Variants in SKIC3 observed in about 807,000 individuals in gnomAD.
SKIC3 encodes superkiller complex protein 3.
At chr5:95,506,884 C>T in the SKIC3 span, 3 of 1,585,102 alleles carry the variant, frequency 1.9e-6, no homozygotes, top group Non-Finnish European at 2.6e-6. Context: ...TAGCTTTCAC[C>T]AGAAAAATAC....
chr5:95,496,923 T>C, the SKIC3 span, among the ~76,000 whole-genome samples: 89 of 152,330 alleles, frequency 5.8e-4, no homozygotes, highest in African/African-American at 2.1e-3. Context: ...TGAAAATATC[T>C]GGATGCTACA....
chr5:95,493,264 C>T, the SKIC3 span, among the ~76,000 whole-genome samples: 6 of 152,140 alleles, frequency 3.9e-5, no homozygotes, highest in Admixed American at 3.9e-4. Flanking sequence ...CTCATCTTTG[C>T]CACTCAGTCA....
the SKIC3 span, chr5:95,478,430 C>A: frequency 6.2e-7 from 1 of 1,613,816 alleles, no homozygotes; most frequent in Non-Finnish European, 8.5e-7. Context: ...GATTGATACA[C>A]ATGTGCCAGC....
the SKIC3 span, among the ~76,000 whole-genome samples, chr5:95,535,307 ATTTTTTTTTTTTTT>A: frequency 4.4e-5 from 4 of 91,800 alleles, no homozygotes; most frequent in South Asian, 1.1e-3. Flanking sequence ...GGTAACAGCA[ATTTTTTTTTTTTTT>A]TTTTTTTTTT....
chr5:95,517,202 A>G, the SKIC3 span: 1 of 1,613,288 alleles, frequency 6.2e-7, no homozygotes, highest in Non-Finnish European at 8.5e-7. Flanking sequence ...CTTCTTTCTG[A>G]CCTAGAAGGA....
chr5:95,537,052 ACT>A, the SKIC3 span: 1 of 1,613,480 alleles, frequency 6.2e-7, no homozygotes, highest in East Asian at 2.2e-5. Flanking sequence ...CTTTGGATAA[ACT>A]CTGAATGAAA....
chr5:95,467,106 T>C, the SKIC3 span, among the ~76,000 whole-genome samples: 1 of 152,136 alleles, frequency 6.6e-6, no homozygotes, highest in Non-Finnish European at 1.5e-5. Flanking sequence ...AGATCAGCAG[T>C]TCGCAACTCT....
chr5:95,549,707 GC>G, the SKIC3 span, among the ~76,000 whole-genome samples: 1 of 151,676 alleles, frequency 6.6e-6, no homozygotes, highest in Admixed American at 6.6e-5. Flanking sequence ...AAAATAATCT[GC>G]CCCTTTTCAA....
At chr5:95,516,890 TTATAAAAAATTTA>T in the SKIC3 span, 1 of 1,562,328 alleles carries the variant, frequency 6.4e-7, no homozygotes, top group Non-Finnish European at 8.7e-7. Context: ...TTGAAAAGGT[TTATAAAAAATTTA>T]TTTATACCAT....
chr5:95,530,854 T>C, the SKIC3 span, among the ~76,000 whole-genome samples: 1 of 152,182 alleles, frequency 6.6e-6, no homozygotes, highest in African/African-American at 2.4e-5. Context: ...GGTAAAATAG[T>C]TTAGAAAACA....
the SKIC3 span, among the ~76,000 whole-genome samples, chr5:95,479,385 T>A: frequency 1.3e-5 from 2 of 152,132 alleles, no homozygotes; most frequent in Non-Finnish European, 2.9e-5. Flanking sequence ...ACTTTGTCAA[T>A]TGTCCCCAAA....
the SKIC3 span, among the ~76,000 whole-genome samples, chr5:95,505,390 A>G: frequency 1.3e-5 from 2 of 152,238 alleles, no homozygotes; most frequent in Middle Eastern, 3.2e-3. Context: ...GGATACATAC[A>G]TATATATTAA....
At chr5:95,474,868 G>C in the SKIC3 span, among the ~76,000 whole-genome samples, 3 of 152,130 alleles carry the variant, frequency 2.0e-5, no homozygotes, top group African/African-American at 7.2e-5. Context: ...TGTGAGCTCT[G>C]AGATTCTTTC....
chr5:95,522,083 T>C, the SKIC3 span: 8 of 1,613,610 alleles, frequency 5.0e-6, no homozygotes, highest in African/African-American at 2.7e-5. Flanking sequence ...ATCTTCTTTC[T>C]TTTTAATGAT....
At chr5:95,467,496 A>G in the SKIC3 span, among the ~76,000 whole-genome samples, 1 of 152,156 alleles carries the variant, frequency 6.6e-6, no homozygotes. Flanking sequence ...GGCATCTTGT[A>G]CATATACAGG....
chr5:95,541,868 A>G, the SKIC3 span: 1 of 1,613,114 alleles, frequency 6.2e-7, no homozygotes, highest in East Asian at 2.2e-5. Flanking sequence ...CATCCTTAGC[A>G]TTTATGTGAT....
At chr5:95,484,971 T>G in the SKIC3 span, 1 of 996,318 alleles carries the variant, frequency 1.0e-6, no homozygotes, top group Non-Finnish European at 1.5e-6. Flanking sequence ...AAGTTACATG[T>G]GCCACATGTA....
chr5:95,535,892 A>G, the SKIC3 span, among the ~76,000 whole-genome samples: 1 of 152,208 alleles, frequency 6.6e-6, no homozygotes, highest in Non-Finnish European at 1.5e-5. Context: ...GACAATCACT[A>G]CCACACTGGT....
At chr5:95,541,838 T>C in the SKIC3 span, 8 of 1,612,658 alleles carry the variant, frequency 5.0e-6, no homozygotes, top group Non-Finnish European at 6.8e-6. Context: ...CCAGGAGCTT[T>C]TGGTAAACAC....
Sources: gnomAD v4.1 joint callset for allele counts (sites outside exome capture counted in the v4.1 genomes callset) on GRCh38, gnomAD v4.1.1 for gene constraint, MANE v1.5 for transcripts, NCBI Gene and HGNC (gene_info 2026-07-23, HGNC 2026-07-21) for gene names.